INSC: variants seen among roughly 807,000 people sequenced by gnomAD.
INSC encodes the protein protein inscuteable homolog.
A neutral mutation model predicts 58.6 loss-of-function variants in INSC; 67 were observed. The ratio of observed to expected loss-of-function variants is 1.14; its 90% confidence interval spans 0.94 to 1.40. The LOEUF (loss-of-function observed/expected upper bound fraction) is 1.40. INSC is among the 40% of genes most tolerant of loss of function. The probability of loss-of-function intolerance (pLI) is 0.00; values close to 1 mark genes in which losing one functional copy is unlikely to be tolerated. For missense variants in INSC, 714 were observed against 692.0 expected, an observed-to-expected ratio of 1.03 and a Z score of -0.36; for synonymous variants, 262 against 276.1, an observed-to-expected ratio of 0.95 and a Z score of 0.51.
At chr11:15,250,906 G>A (rs1197696715), downstream of INSC, among the ~76,000 whole-genome samples, 2 of 152,138 alleles carry the variant, frequency 1.3e-5, no homozygotes, top group Non-Finnish European at 2.9e-5. Flanking sequence ...CTCCATAAAA[G>A]CAATGAGAAC....
chr11:15,258,702 CAGG>C, the INSC span, among the ~76,000 whole-genome samples: 1,016 of 152,272 alleles, frequency 6.7e-3, 13 homozygotes, highest in African/African-American at 0.023. Context: ...AATTCTGGAG[CAGG>C]AGAACTCCCA....
At chr11:15,232,544 C>A (rs1414439327) in intron 9 of INSC, among the ~76,000 whole-genome samples, 1 of 152,204 alleles carries the variant, frequency 6.6e-6, no homozygotes, top group East Asian at 1.9e-4. Flanking sequence ...AAGGCATGAG[C>A]TATGGTGCCT....
At position 15,221,557 on chromosome 11, in the gene INSC, G is replaced by T. The variant is rs1204002673; in HGVS notation, c.900G>T (p.Val300=). 5 of 1,613,900 alleles carry T rather than the reference G, an allele frequency of 3.1e-6. No individual in the cohort carries two copies. The highest frequency in any genetic ancestry group is 4.2e-6 in the Non-Finnish European group (5 of 1,179,994). The change falls in exon 8 of 13, where the codon GTG becomes GTT. Residue 300 remains valine (V), a synonymous_variant. Coordinates refer to ENST00000379556, the MANE Select transcript of INSC (RefSeq NM_001042536.3). ...SEATRAEAAA[V]VAQVTSPHLP... ...CCACACGGGCTGAGGCTGCGGCTGTGGTGGCCCAGGTCACCTCCCCACACC... is the reference window on the plus strand; with the variant it reads ...CCACACGGGCTGAGGCTGCGGCTGTTGTGGCCCAGGTCACCTCCCCACACC...
At chr11:15,178,102 C>T (rs529930785) in intron 4 of INSC, among the ~76,000 whole-genome samples, 1 of 152,274 alleles carries the variant, frequency 6.6e-6, no homozygotes, top group East Asian at 1.9e-4. Context: ...GCCTTTCTTC[C>T]TGTTGATGTG....
chr11:15,229,999 A>ATTT (rs1310403738), intron 9 of INSC, among the ~76,000 whole-genome samples: 1 of 25,688 alleles, frequency 3.9e-5, no homozygotes, highest in African/African-American at 1.6e-4. Context: ...ATATATATAT[A>ATTT]TATATATATA....
At position 15,221,522 on chromosome 11, in the gene INSC, C is replaced by G; in HGVS notation, c.865C>G (p.His289Asp). The change falls in exon 8 of 13, where the codon CAC (histidine) becomes GAC (aspartate). Residue 289 changes from histidine (H) to aspartate (D), a missense_variant. Transcript: ENST00000379556. ...CLADILTDNS[H>D]SEATRAEAAA... ...GGCCGACATCCTGACCGACAACAGC[C>G]ACTCAGAGGCCACACGGGCTGAGGC... 6.2e-7 allele frequency: 1 copy of G among 1,613,816 alleles called. No individual in the cohort carries two copies. Among genetic ancestry groups the G allele is most frequent in the Non-Finnish European group, 8.5e-7 (1 of 1,179,864 alleles).
chr11:15,126,991 A>G (rs995468087), intron 1 of INSC, among the ~76,000 whole-genome samples: 3 of 152,188 alleles, frequency 2.0e-5, no homozygotes, highest in Non-Finnish European at 2.9e-5. Context: ...CCTTGGTGAC[A>G]TCTCACTGGT....
chr11:15,129,330 A>C (rs958376614), intron 1 of INSC, among the ~76,000 whole-genome samples: 4 of 152,162 alleles, frequency 2.6e-5, no homozygotes, highest in Non-Finnish European at 5.9e-5. Context: ...GTTTTTAAAA[A>C]GTCTTATTAT....
chr11:15,219,434 G>A (rs1851353019), intron 7 of INSC, among the ~76,000 whole-genome samples: 1 of 152,134 alleles, frequency 6.6e-6, no homozygotes, highest in African/African-American at 2.4e-5. Context: ...AACTGCAGTG[G>A]ACACTGTTCC....
chr11:15,260,407 A>C, the INSC span, among the ~76,000 whole-genome samples: 1 of 152,176 alleles, frequency 6.6e-6, no homozygotes, highest in Non-Finnish European at 1.5e-5. Context: ...TTTTGATGTC[A>C]TAAGACAGAA....
chr11:15,226,324 C>T (rs1442532471), intron 9 of INSC, among the ~76,000 whole-genome samples: 2 of 152,154 alleles, frequency 1.3e-5, no homozygotes, highest in Non-Finnish European at 2.9e-5. Flanking sequence ...TGGAGCAGAA[C>T]CTTCATTCAG....
At chr11:15,204,683 CCTGGGGCTCTTG>C (rs1850726991) in intron 7 of INSC, among the ~76,000 whole-genome samples, 2 of 152,182 alleles carry the variant, frequency 1.3e-5, no homozygotes, top group Admixed American at 6.5e-5. Context: ...AGTGTGGTTC[CCTGGGGCTCTTG>C]CCAGCCACCC....
At position 15,178,340 on chromosome 11, in the gene INSC, A is replaced by C; in HGVS notation, c.472A>C (p.Asn158His). ...TCTCTTCAGGTGCCTTCAGGTTGAGAATGAGCATGTCCTGAAGTCAATGAA... is the reference window on the plus strand; with the variant it reads ...TCTCTTCAGGTGCCTTCAGGTTGAGCATGAGCATGTCCTGAAGTCAATGAA... Reference protein sequence around the residue: ...AVTERCLQVENEHVLKSMKAC... With the variant: ...AVTERCLQVEHEHVLKSMKAC... The change falls in exon 5 of 13, where the codon AAT becomes CAT. Residue 158 changes from asparagine (N) to histidine (H), a missense_variant. Physicochemically the swap from Asn to His is moderately conservative, Grantham distance 68. Coordinates refer to ENST00000379556, the MANE Select transcript of INSC (RefSeq NM_001042536.3). The C allele has an allele frequency of 6.2e-7, 1 of 1,613,936 alleles. No homozygotes were observed. The highest frequency in any genetic ancestry group is 8.5e-7 in the Non-Finnish European group (1 of 1,180,028).
chr11:15,153,804 A>C (rs1848724883), intron 2 of INSC, among the ~76,000 whole-genome samples: 1 of 152,200 alleles, frequency 6.6e-6, no homozygotes, highest in African/African-American at 2.4e-5. Flanking sequence ...CCTTCATTAT[A>C]AGATGGGGAA....
chr11:15,243,600 C>A (rs1455368116), intron 12 of INSC, among the ~76,000 whole-genome samples: 1 of 152,116 alleles, frequency 6.6e-6, no homozygotes, highest in Non-Finnish European at 1.5e-5. Flanking sequence ...CTGTAGGGTT[C>A]ATGTCCTGTA....
At chr11:15,138,914 A>G (rs1034485167) in intron 1 of INSC, among the ~76,000 whole-genome samples, 1 of 152,224 alleles carries the variant, frequency 6.6e-6, no homozygotes, top group African/African-American at 2.4e-5. Context: ...TCGAGACCTC[A>G]CCAGGCTACC....
At chr11:15,116,807 T>TCTTTCTTTC (rs1554900057) in intron 1 of INSC, among the ~76,000 whole-genome samples, 57 of 19,916 alleles carry the variant, frequency 2.9e-3, no homozygotes, top group African/African-American at 0.015. Flanking sequence ...TTTCTTTCTT[T>TCTTTCTTTC]TCTTTCTTTC....
intron 9 of INSC, among the ~76,000 whole-genome samples, chr11:15,229,920 A>T (rs60140185): frequency 0.6 from 61,573 of 102,738 alleles, 19,547 homozygotes; most frequent in East Asian, 0.89. Context: ...ATATATATAA[A>T]TTTTTTATAT....
intron 6 of INSC, 39 bp downstream of exon 6, chr11:15,190,853 G>T (rs763780273): frequency 7.6e-7 from 1 of 1,324,202 alleles, no homozygotes; most frequent in Admixed American, 1.7e-5. Context: ...GCAGGCCTGG[G>T]GAAGTATGAG....
Sources: allele counts gnomAD v4.1 joint callset (sites outside exome capture counted in the v4.1 genomes callset), GRCh38; gene constraint gnomAD v4.1.1; transcripts MANE v1.5; gene names NCBI Gene and HGNC (gene_info 2026-07-23, HGNC 2026-07-21).